The following AR variants were observed in gnomAD, a reference collection of about 807,000 sequenced individuals.
The protein encoded by AR is dihydrotestosterone receptor.
A neutral mutation model predicts 53.9 loss-of-function variants in AR; 8 were observed. The ratio of observed to expected loss-of-function variants is 0.15; its 90% confidence interval spans 0.09 to 0.27. The LOEUF is 0.27. AR is among the 10% of genes least tolerant of loss of function. The probability of loss-of-function intolerance (pLI) is 1.00; values close to 1 mark genes in which losing one functional copy is unlikely to be tolerated. For synonymous variants in AR, 359 were observed against 316.4 expected (o/e 1.13, Z -1.43); for missense variants, 639 against 742.5 (o/e 0.86, Z 1.62).
intron 1 of AR, among the ~76,000 whole-genome samples, chrX:67,576,099 G>A (rs1250964387): frequency 1.8e-5 from 2 of 110,899 alleles, no homozygotes; most frequent in African/African-American, 6.5e-5. Flanking sequence ...AACTATGGAG[G>A]GTGGGAGACT....
At chrX:67,569,218 G>A (rs1321864152) in intron 1 of AR, among the ~76,000 whole-genome samples, 7 of 103,342 alleles carry the variant, frequency 6.8e-5, no homozygotes, top group Non-Finnish European at 1.2e-4. Flanking sequence ...TGTGTGGGGG[G>A]GGGTTGGGGG....
chrX:67,677,665 A>G (rs1461855728), intron 2 of AR, among the ~76,000 whole-genome samples: 5 of 111,571 alleles, frequency 4.5e-5, no homozygotes, highest in Non-Finnish European at 9.4e-5. Context: ...TTTCAAACTA[A>G]CAAAGCAAAT....
chrX:67,579,948 A>G (rs1251032556), intron 1 of AR, among the ~76,000 whole-genome samples: 3 of 111,050 alleles, frequency 2.7e-5, no homozygotes, highest in East Asian at 5.7e-4. Context: ...TCTGAGTAGT[A>G]CCATAAGTTG....
At chrX:67,597,941 A>C (rs1208159626) in intron 1 of AR, among the ~76,000 whole-genome samples, 1 of 111,966 alleles carries the variant, frequency 8.9e-6, no homozygotes, top group Non-Finnish European at 1.9e-5. Flanking sequence ...AGCCTGTTGC[A>C]AAGACACAAC....
intron 1 of AR, among the ~76,000 whole-genome samples, chrX:67,630,419 T>C (rs1411305170): frequency 1.8e-5 from 2 of 111,360 alleles, no homozygotes; most frequent in South Asian, 7.7e-4. Context: ...TTTTGATCTT[T>C]GTTGGTTTAA....
At position 67,722,697 on chromosome X, in the gene AR, A is replaced by G. The variant is rs756878944; in HGVS notation, c.2450-130A>G. The G allele has an allele frequency of 5.0e-6, 4 of 800,877 alleles. No individual in the cohort carries two copies. The African/African-American group carries it at 6.2e-5, about 12-fold the overall frequency. 66.0% of individuals were successfully genotyped at this position (800,877 alleles called of 1,213,427 possible). ...GGCCCCAAGCACACAGACTTCAACT[A>G]ACAGGAAGCCAAGTAGATGGTTCCC... is the stretch of plus-strand genomic sequence containing the variant. On this transcript the variant is annotated intron_variant, in intron 6 of 7. Coordinates refer to ENST00000374690, the MANE Select transcript of AR (RefSeq NM_000044.6).
intron 2 of AR, among the ~76,000 whole-genome samples, chrX:67,675,320 C>T (rs1409352972): frequency 9.1e-6 from 1 of 110,443 alleles, no homozygotes; most frequent in Non-Finnish European, 1.9e-5. Context: ...TACTAGGTCG[C>T]ATGTTCCCCA....
chrX:67,661,089 C>T (rs1445131461), intron 2 of AR, among the ~76,000 whole-genome samples: 1 of 111,778 alleles, frequency 8.9e-6, no homozygotes, highest in African/African-American at 3.3e-5. Flanking sequence ...GCTGAAGTTG[C>T]TTATCAGCTT....
At chrX:67,647,358 T>C (rs1308380937) in intron 2 of AR, among the ~76,000 whole-genome samples, 1 of 111,851 alleles carries the variant, frequency 8.9e-6, no homozygotes, top group Non-Finnish European at 1.9e-5. Context: ...AGGTTTTTGT[T>C]AGGGAAGAAA....
In AR at chrX:67,546,232, C is replaced by T. The variant is rs2147320053; in HGVS notation, c.1086C>T (p.Arg362=). 8.3e-7 allele frequency: 1 copy of T among 1,211,373 alleles called. No homozygotes were observed. The highest frequency in any genetic ancestry group is 1.1e-6 in the Non-Finnish European group (1 of 895,365). The change falls in exon 1 of 8, where the codon CGC becomes CGT. Residue 362 remains arginine (R), a synonymous_variant. Transcript: ENST00000374690. The part of the protein sequence containing the change: ...ALDEAAAYQS[R]DYYNFPLALA... Reference sequence around the variant, plus strand: ...ACGAGGCAGCTGCGTACCAGAGTCGCGACTACTACAACTTTCCACTGGCTC... The same window carrying T: ...ACGAGGCAGCTGCGTACCAGAGTCGTGACTACTACAACTTTCCACTGGCTC...
rs1177480435 is a variant in AR at position 67,544,846 on chromosome X, TTTG to T, written c.-298_-296del. On this transcript the variant is annotated 5_prime_UTR_variant, in exon 1 of 8. Coordinates refer to ENST00000374690, the MANE Select transcript of AR (RefSeq NM_000044.6). ...ACACTGAATTTGGAAGGTGGAGGATTTTGTTTTTTTCTTTTAAGATCTGGGCAT... is the reference window on the plus strand; with the variant it reads ...ACACTGAATTTGGAAGGTGGAGGATTTTTTTTTCTTTTAAGATCTGGGCAT... The T allele has an allele frequency of 4.0e-6, 1 of 247,140 alleles. No individual in the cohort carries two copies. Among genetic ancestry groups the T allele is most frequent in the Admixed American group, 6.1e-5 (1 of 16,411 alleles). 20.4% of individuals were successfully genotyped at this position (247,140 alleles called of 1,213,427 possible). A position where few individuals can be genotyped will look rare whatever the true frequency, so the allele number is the denominator to read the frequency against.
intron 2 of AR, among the ~76,000 whole-genome samples, chrX:67,664,712 A>T (rs1488599404): frequency 8.9e-6 from 1 of 112,453 alleles, no homozygotes; most frequent in Non-Finnish European, 1.9e-5. Context: ...CTGCCCCCAG[A>T]GGTGGAGTCT....
intron 2 of AR, among the ~76,000 whole-genome samples, chrX:67,670,616 A>T: frequency 9.2e-6 from 1 of 109,150 alleles, no homozygotes; most frequent in South Asian, 3.9e-4. Flanking sequence ...ATGTTTATAT[A>T]CTTTAAGTTC....
intron 1 of AR, among the ~76,000 whole-genome samples, chrX:67,575,715 T>A (rs778277867): frequency 9.0e-6 from 1 of 111,644 alleles, no homozygotes; most frequent in Non-Finnish European, 1.9e-5. Flanking sequence ...TAAAAGAATA[T>A]CCCATTCTTT....
intron 1 of AR, among the ~76,000 whole-genome samples, chrX:67,636,090 A>G (rs962087403): frequency 1.8e-5 from 2 of 111,901 alleles, no homozygotes; most frequent in African/African-American, 6.5e-5. Context: ...AACAACATTA[A>G]CATCATGATT....
intron 1 of AR, among the ~76,000 whole-genome samples, chrX:67,622,795 A>G (rs1237506209): frequency 8.9e-6 from 1 of 111,864 alleles, no homozygotes; most frequent in African/African-American, 3.3e-5. Flanking sequence ...GCAAGCAAAA[A>G]AAGTTTTTTC....
rs767018084 is a variant in AR at position 67,716,322 on chromosome X, G to A, written c.2174-1156G>A. The stretch of plus-strand genomic sequence containing the variant: ...AAGGTGCAATGAGAATGTAAAAGAA[G>A]AATCTTTAAGCCTTCTTCTTGGATG... On this transcript the variant is annotated intron_variant, in intron 4 of 7. Coordinates refer to ENST00000374690, the MANE Select transcript of AR (RefSeq NM_000044.6). Among the ~76,000 whole-genome samples, 10 of 112,188 alleles carry A rather than the reference G, an allele frequency of 8.9e-5. No individual in the cohort carries two copies. In the East Asian group the frequency reaches 2.0e-3, roughly 22 times the overall value.
Position 67,650,114 on chromosome X carries a change from C to T in AR, c.1768+6707C>T, listed in dbSNP as rs940190188. ...GCTCATGGATAGGAACAATCAATAT[C>T]GTGAAAATTGCCATACTGCCCAAAG... On this transcript the variant is annotated intron_variant, in intron 2 of 7. Coordinates refer to ENST00000374690, the MANE Select transcript of AR (RefSeq NM_000044.6). Among the ~76,000 whole-genome samples, 3 of 111,836 alleles carry T rather than the reference C, an allele frequency of 2.7e-5. No individual in the cohort carries two copies. In the East Asian group the frequency reaches 8.5e-4, roughly 32 times the overall value.
chrX:67,572,973 C>T (rs1328284460), intron 1 of AR, among the ~76,000 whole-genome samples: 4 of 111,614 alleles, frequency 3.6e-5, no homozygotes, highest in African/African-American at 6.5e-5. Flanking sequence ...TAAGAATCTT[C>T]GTCTTCATTT....
Sources: gnomAD v4.1 joint callset for allele counts (sites outside exome capture counted in the v4.1 genomes callset) on GRCh38, gnomAD v4.1.1 for gene constraint, MANE v1.5 for transcripts, NCBI Gene and HGNC (gene_info 2026-07-23, HGNC 2026-07-21) for gene names.